The following NSMCE2 variants were observed in gnomAD, a reference collection of about 807,000 sequenced individuals.
NSMCE2 encodes E3 SUMO-protein ligase NSE2.
Under a neutral mutation model 23.8 loss-of-function variants are expected in NSMCE2, and 24 were observed. That is an observed-to-expected ratio of 1.01 (90% CI 0.73 to 1.42). NSMCE2 has a LOEUF of 1.42. Among genes scored for constraint, NSMCE2 ranks in the 40% most tolerant of loss-of-function variants. The pLI, the probability that NSMCE2 is intolerant of heterozygous loss-of-function variation, is 0.00. For synonymous variants in NSMCE2, 92 were observed against 94.1 expected, an observed-to-expected ratio of 0.98 and a Z score of 0.13; for missense variants, 284 against 296.5, an observed-to-expected ratio of 0.96 and a Z score of 0.31.
At chr8:125,196,784 TC>T (rs1356325969) in intron 5 of NSMCE2, among the ~76,000 whole-genome samples, 2 of 152,232 alleles carry the variant, frequency 1.3e-5, no homozygotes, top group Non-Finnish European at 2.9e-5. Flanking sequence ...CCAACTGTCT[TC>T]CACAGTGGTT....
At chr8:125,203,280 C>G (rs1376113235) in intron 5 of NSMCE2, among the ~76,000 whole-genome samples, 1 of 151,452 alleles carries the variant, frequency 6.6e-6, no homozygotes, top group South Asian at 2.1e-4. Context: ...TTTTAGTACC[C>G]TCATCTCCTG....
intron 3 of NSMCE2, among the ~76,000 whole-genome samples, chr8:125,145,341 A>G (rs1401124050): frequency 1.3e-5 from 2 of 152,134 alleles, no homozygotes; most frequent in Non-Finnish European, 2.9e-5. Flanking sequence ...TTTATAATGT[A>G]AATCAGGGAT....
At chr8:125,356,814 G>A (rs894540834) in intron 5 of NSMCE2, among the ~76,000 whole-genome samples, 2 of 152,098 alleles carry the variant, frequency 1.3e-5, no homozygotes, top group East Asian at 3.9e-4. Flanking sequence ...CATGAGCTGT[G>A]CAAAGCATAC....
chr8:125,217,003 A>G (rs1487520718), intron 5 of NSMCE2, among the ~76,000 whole-genome samples: 2 of 152,234 alleles, frequency 1.3e-5, no homozygotes, highest in South Asian at 2.1e-4. Context: ...GTGTGGATGC[A>G]GTTATATATT....
intron 1 of NSMCE2, among the ~76,000 whole-genome samples, chr8:125,092,568 G>T (rs775529000): frequency 3.2e-4 from 48 of 152,216 alleles, no homozygotes; most frequent in Non-Finnish European, 5.9e-5. Context: ...AGGGATAATG[G>T]TAGCATGAGG....
At chr8:125,110,355 G>A (rs1261087237) in intron 3 of NSMCE2, among the ~76,000 whole-genome samples, 1 of 152,136 alleles carries the variant, frequency 6.6e-6, no homozygotes, top group African/African-American at 2.4e-5. Context: ...CTGTGATTTC[G>A]GAGCTATAGG....
At chr8:125,104,517 GA>G (rs1194504882) in intron 3 of NSMCE2, among the ~76,000 whole-genome samples, 1 of 152,204 alleles carries the variant, frequency 6.6e-6, no homozygotes, top group Non-Finnish European at 1.5e-5. Context: ...GATGGAATTT[GA>G]GTGTCTCCCG....
chr8:125,330,184 T>TC (rs1161313200), intron 5 of NSMCE2, among the ~76,000 whole-genome samples: 5 of 147,652 alleles, frequency 3.4e-5, no homozygotes, highest in African/African-American at 7.4e-5. Context: ...TTTCTTTCTT[T>TC]TTTTTTTTTT....
At chr8:125,092,282 T>G (rs528672738) in intron 1 of NSMCE2, among the ~76,000 whole-genome samples, 1 of 152,232 alleles carries the variant, frequency 6.6e-6, no homozygotes, top group African/African-American at 2.4e-5. Flanking sequence ...GTTATGTAGA[T>G]TGCAGTGAGA....
intron 5 of NSMCE2, among the ~76,000 whole-genome samples, chr8:125,341,308 G>A (rs1205953894): frequency 6.6e-6 from 1 of 152,184 alleles, no homozygotes; most frequent in African/African-American, 2.4e-5. Flanking sequence ...GGTGAGGAAG[G>A]TCACTATTTG....
chr8:125,340,208 C>T (rs573093212), intron 5 of NSMCE2, among the ~76,000 whole-genome samples: 19 of 151,782 alleles, frequency 1.3e-4, no homozygotes, highest in African/African-American at 4.6e-4. Context: ...TTAGTAGAGA[C>T]GGGGTTTCAC....
chr8:125,140,686 T>A (rs916351700), intron 3 of NSMCE2, among the ~76,000 whole-genome samples: 2 of 152,088 alleles, frequency 1.3e-5, no homozygotes, highest in East Asian at 3.9e-4. Context: ...CTCACTTTCT[T>A]TTGTCTTGGC....
intron 3 of NSMCE2, among the ~76,000 whole-genome samples, chr8:125,111,560 G>GCCC (rs1818748370): frequency 6.6e-6 from 1 of 152,166 alleles, no homozygotes; most frequent in Non-Finnish European, 1.5e-5. Context: ...AGCACTTTGG[G>GCCC]AGGCCGAGGC....
At chr8:125,152,111 T>C (rs1270233226) in intron 4 of NSMCE2, among the ~76,000 whole-genome samples, 1 of 152,232 alleles carries the variant, frequency 6.6e-6, no homozygotes, top group African/African-American at 2.4e-5. Flanking sequence ...ATGAGCATTA[T>C]ATAGTTAGAG....
chr8:125,231,928 T>A (rs1177912565), intron 5 of NSMCE2, among the ~76,000 whole-genome samples: 1 of 152,214 alleles, frequency 6.6e-6, no homozygotes, highest in Non-Finnish European at 1.5e-5. Context: ...CAGTATATGC[T>A]GGCATACTGA....
At position 125,316,541 on chromosome 8, in the gene NSMCE2, G is replaced by T. The variant is rs1166385302; in HGVS notation, c.419-40678G>T. Among the ~76,000 whole-genome samples the T allele has an allele frequency of 2.6e-5, 4 of 152,280 alleles. 1 individual carries two copies. Among genetic ancestry groups the T allele is most frequent in the Admixed American group, 2.6e-4 (4 of 15,300 alleles). On this transcript the variant is annotated intron_variant, in intron 5 of 7. Transcript: ENST00000287437. ...TCAACCAGCAGGTCTTAGAATAACC[G>T]TTGTCTGTCTGTCTTTCTTTCTTTC...
At chr8:125,203,142 A>G (rs989190943) in intron 5 of NSMCE2, among the ~76,000 whole-genome samples, 1 of 152,074 alleles carries the variant, frequency 6.6e-6, no homozygotes, top group African/African-American at 2.4e-5. Context: ...ATAGATTTAA[A>G]TTGAAAAAAA....
chr8:125,254,049 C>G (rs1180830934), intron 5 of NSMCE2, among the ~76,000 whole-genome samples: 1 of 152,142 alleles, frequency 6.6e-6, no homozygotes, highest in Non-Finnish European at 1.5e-5. Flanking sequence ...CTAAGCATCT[C>G]TCTTAATTCA....
chr8:125,205,291 A>G (rs1284856698), intron 5 of NSMCE2, among the ~76,000 whole-genome samples: 1 of 152,230 alleles, frequency 6.6e-6, no homozygotes, highest in African/African-American at 2.4e-5. Flanking sequence ...AATTACAAAG[A>G]TTAGGAAAAA....
Sources: allele counts gnomAD v4.1 joint callset (sites outside exome capture counted in the v4.1 genomes callset), GRCh38; gene constraint gnomAD v4.1.1; transcripts MANE v1.5; gene names NCBI Gene and HGNC (gene_info 2026-07-23, HGNC 2026-07-21).